SDK1: variants seen among roughly 807,000 people sequenced by gnomAD.
SDK1 encodes protein sidekick-1.
In SDK1, 157 loss-of-function variants were observed where a neutral mutation model predicts 245.5. The ratio of observed to expected loss-of-function variants is 0.64; its 90% confidence interval spans 0.56 to 0.73. The LOEUF (loss-of-function observed/expected upper bound fraction) is 0.73. SDK1 is among the 30% of genes least tolerant of loss of function. The probability of loss-of-function intolerance (pLI) is 0.00; values close to 1 mark genes in which losing one functional copy is unlikely to be tolerated. For missense variants in SDK1, 3,583 were observed against 3,002.3 expected, an observed-to-expected ratio of 1.19 and a Z score of -4.52; for synonymous variants, 1,647 against 1,278.5, an observed-to-expected ratio of 1.29 and a Z score of -6.15.
At chr7:4,110,287 A>T (rs1477834716) in intron 22 of SDK1, among the ~76,000 whole-genome samples, 1 of 152,134 alleles carries the variant, frequency 6.6e-6, no homozygotes, top group South Asian at 2.1e-4. Context: ...CTTCCTCTCT[A>T]GGCTTTCTCT....
intron 38 of SDK1, among the ~76,000 whole-genome samples, chr7:4,216,476 T>C (rs903947701): frequency 2.6e-5 from 4 of 152,304 alleles, no homozygotes; most frequent in Non-Finnish European, 5.9e-5. Flanking sequence ...CCTTTCACTA[T>C]TGCATCAGGA....
chr7:3,784,256 T>A lies in SDK1; in HGVS notation c.714-37194T>A, dbSNP rs543974768. ...TTCAACAAAGATATTATGCCAAGAATATGCAATAAGAAAAGGATATCCCCT... is the reference window on the plus strand; with the variant it reads ...TTCAACAAAGATATTATGCCAAGAAAATGCAATAAGAAAAGGATATCCCCT... On this transcript the variant is annotated intron_variant, in intron 4 of 44. Coordinates refer to ENST00000404826, the MANE Select transcript of SDK1 (RefSeq NM_152744.4). Among the ~76,000 whole-genome samples the A allele has an allele frequency of 2.6e-5, 4 of 151,986 alleles. No homozygotes were observed. In the East Asian group the frequency reaches 7.7e-4, roughly 29 times the overall value.
At chr7:3,819,729 A>G (rs980791696) in intron 4 of SDK1, among the ~76,000 whole-genome samples, 8 of 152,164 alleles carry the variant, frequency 5.3e-5, no homozygotes, top group African/African-American at 1.7e-4. Context: ...TGAGACATGA[A>G]GTAAGTCATA....
At chr7:3,649,727 C>A (rs1782948484) in intron 4 of SDK1, among the ~76,000 whole-genome samples, 1 of 152,098 alleles carries the variant, frequency 6.6e-6, no homozygotes, top group South Asian at 2.1e-4. Context: ...CAGAGAGAGG[C>A]CAGCAGTTGG....
At chr7:3,921,807 A>G (rs887734042) in intron 5 of SDK1, among the ~76,000 whole-genome samples, 3 of 151,930 alleles carry the variant, frequency 2.0e-5, no homozygotes, top group Non-Finnish European at 4.4e-5. Context: ...CTCTATAAAA[A>G]TAAAAAAAAT....
intron 7 of SDK1, among the ~76,000 whole-genome samples, chr7:3,956,426 G>A (rs1007554006): frequency 6.6e-6 from 1 of 152,190 alleles, no homozygotes. Context: ...GGAAGGGTTG[G>A]CAGGGAGAGA....
chr7:4,205,874 C>T lies in SDK1; in HGVS notation c.5099-5C>T, dbSNP rs558240317. On this transcript the variant is annotated splice_region_variant and splice_polypyrimidine_tract_variant and intron_variant, in intron 35 of 44. Transcript: ENST00000404826. ...CAGCTTCTCTCCGCATTGCTCTTTC[C>T]TCAGCCCCGGCCATGGCCCCGCAGA... 1.5e-5 allele frequency: 24 copies of T among 1,551,628 alleles called. No homozygotes were observed. The South Asian group carries it at 2.5e-4, about 16-fold the overall frequency.
chr7:3,621,417 A>G (rs1004982521), intron 2 of SDK1, among the ~76,000 whole-genome samples: 1 of 152,182 alleles, frequency 6.6e-6, no homozygotes, highest in East Asian at 1.9e-4. Context: ...ATTAAATTAC[A>G]TAGTGCTTTG....
intron 1 of SDK1, among the ~76,000 whole-genome samples, chr7:3,360,404 A>G (rs1242128450): frequency 6.6e-6 from 1 of 152,228 alleles, no homozygotes; most frequent in Non-Finnish European, 1.5e-5. Context: ...TTAACAGAAC[A>G]TCATTATGCA....
chr7:3,580,259 C>G (rs1221571439), intron 1 of SDK1, among the ~76,000 whole-genome samples: 1 of 152,140 alleles, frequency 6.6e-6, no homozygotes, highest in Non-Finnish European at 1.5e-5. Flanking sequence ...ATCAAACTAC[C>G]CATAACATTC....
chr7:3,344,666 C>T (rs201803759), intron 1 of SDK1, among the ~76,000 whole-genome samples: 5 of 150,878 alleles, frequency 3.3e-5, no homozygotes, highest in African/African-American at 7.3e-5. Flanking sequence ...TGTTCTTCTT[C>T]GTTGTTGCTG....
At chr7:4,129,180 G>A (rs998846458) in intron 26 of SDK1, among the ~76,000 whole-genome samples, 1 of 145,350 alleles carries the variant, frequency 6.9e-6, no homozygotes, top group Admixed American at 6.8e-5. Context: ...GAGCACCTTG[G>A]GGTAGGGTGC....
At chr7:3,975,939 CGGGGCTG>C (rs1562604723) in intron 13 of SDK1, among the ~76,000 whole-genome samples, 108 of 140,622 alleles carry the variant, frequency 7.7e-4, no homozygotes, top group African/African-American at 2.5e-3. Context: ...CTGAGGGTCC[CGGGGCTG>C]AGGCTGCCAC....
In SDK1 at chr7:3,495,870, G is replaced by A. The variant is rs529063495; in HGVS notation, c.299-123210G>A. Among the ~76,000 whole-genome samples, 5 of 152,284 alleles carry A rather than the reference G, an allele frequency of 3.3e-5. 1 individual carries two copies. Among genetic ancestry groups the A allele is most frequent in the African/African-American group, 1.2e-4 (5 of 41,550 alleles). On this transcript the variant is annotated intron_variant, in intron 1 of 44. Transcript: ENST00000404826. ...TAGAGCCAGGAAGAGAGATGCCAGC[G>A]GTCTCCTGAGTTAATACCGTATTCT...
intron 12 of SDK1, among the ~76,000 whole-genome samples, chr7:3,972,503 G>A (rs1403834039): frequency 1.3e-5 from 2 of 152,168 alleles, no homozygotes; most frequent in African/African-American, 4.8e-5. Flanking sequence ...GTGGGGAGCT[G>A]TTCCCTGAAG....
chr7:3,429,295 T>C (rs1452643943), intron 1 of SDK1, among the ~76,000 whole-genome samples: 5 of 152,222 alleles, frequency 3.3e-5, no homozygotes, highest in African/African-American at 9.6e-5. Flanking sequence ...CTTTTACTTA[T>C]TTGTAATGTA....
chr7:3,524,519 G>A (rs1233300258), intron 1 of SDK1, among the ~76,000 whole-genome samples: 1 of 152,102 alleles, frequency 6.6e-6, no homozygotes, highest in African/African-American at 2.4e-5. Context: ...CTGACAGATG[G>A]GTTATGGAGT....
chr7:3,604,440 C>A (rs1300782468), intron 1 of SDK1, among the ~76,000 whole-genome samples: 1 of 152,070 alleles, frequency 6.6e-6, no homozygotes, highest in African/African-American at 2.4e-5. Flanking sequence ...GGCTTTCCCT[C>A]TTTCTAATGT....
chr7:3,499,208 C>A (rs777441995), intron 1 of SDK1, among the ~76,000 whole-genome samples: 10 of 152,274 alleles, frequency 6.6e-5, no homozygotes, highest in Non-Finnish European at 1.2e-4. Flanking sequence ...TCCTTAAGAT[C>A]GACATCTTTC....
Sources: gnomAD v4.1 joint callset for allele counts (sites outside exome capture counted in the v4.1 genomes callset) on GRCh38, gnomAD v4.1.1 for gene constraint, MANE v1.5 for transcripts, NCBI Gene and HGNC (gene_info 2026-07-23, HGNC 2026-07-21) for gene names.